SYT16: variants seen among roughly 807,000 people sequenced by gnomAD.
SYT16 encodes synaptotagmin-16.
Under a neutral mutation model 61.4 loss-of-function variants are expected in SYT16, and 42 were observed. The ratio of observed to expected loss-of-function variants is 0.68; its 90% CI spans 0.53 to 0.89. The LOEUF (loss-of-function observed/expected upper bound fraction) is 0.89. Among genes scored for constraint, SYT16 ranks in the 40% least tolerant of loss-of-function variants. SYT16 has a pLI of 0.00. For missense variants in SYT16, 804 were observed against 807.3 expected (o/e 1.00, Z 0.05); for synonymous variants, 314 against 302.3 (o/e 1.04, Z -0.40).
At chr14:62,078,125 C>G (rs1566826610) in intron 5 of SYT16, among the ~76,000 whole-genome samples, 1 of 149,188 alleles carries the variant, frequency 6.7e-6, no homozygotes, top group Non-Finnish European at 1.5e-5. Context: ...CTCTCTCTCT[C>G]TAGTGCTCTC....
At chr14:62,051,219 A>G (rs2055275765) in intron 3 of SYT16, among the ~76,000 whole-genome samples, 1 of 152,120 alleles carries the variant, frequency 6.6e-6, no homozygotes. Flanking sequence ...TTGATCTCAG[A>G]CTGCTGTGCT....
chr14:61,848,769 C>T (rs574620347), intron 1 of SYT16, among the ~76,000 whole-genome samples: 3 of 152,274 alleles, frequency 2.0e-5, no homozygotes, highest in South Asian at 2.1e-4. Flanking sequence ...AGAGCTGGCA[C>T]CTAAACCACA....
chr14:61,996,411 G>C lies in SYT16; in HGVS notation c.392G>C (p.Arg131Pro). Residue 131 changes from arginine (R) to proline (P), a missense_variant, in exon 3 of 8, where the codon CGC becomes CCC. Coordinates refer to ENST00000683842, the MANE Select transcript of SYT16 (RefSeq NM_001367656.1). ...SQWPNWASDD[R>P]KLPHVLSSIA... ...TGGCCCAATTGGGCCAGTGATGACC[G>C]CAAGTTACCACATGTGCTTTCTTCT... 1.2e-6 allele frequency: 2 copies of C among 1,613,290 alleles called. No individual in the cohort carries two copies. Among genetic ancestry groups the C allele is most frequent in the Non-Finnish European group, 1.7e-6 (2 of 1,179,522 alleles).
intron 3 of SYT16, among the ~76,000 whole-genome samples, chr14:62,006,250 C>T (rs2053221420): frequency 6.6e-6 from 1 of 152,018 alleles, no homozygotes; most frequent in African/African-American, 2.4e-5. Flanking sequence ...TCCTCATGCA[C>T]TCATTTGTTC....
In SYT16 at chr14:61,863,403, C is replaced by T. The variant is rs142068475; in HGVS notation, c.-325+50593C>T. Among the ~76,000 whole-genome samples, 710 of 152,252 alleles carry T rather than the reference C, an allele frequency of 4.7e-3. 4 individuals are homozygous for T. The highest frequency in any genetic ancestry group is 6.9e-3 in the Non-Finnish European group (469 of 68,030). ...TTTTTACATGTTTATTTGCCATCTGCGCATCTTCTTTGGTGAGGTGTTTGT... is the reference window on the plus strand; with the variant it reads ...TTTTTACATGTTTATTTGCCATCTGTGCATCTTCTTTGGTGAGGTGTTTGT... On this transcript the variant is annotated intron_variant, in intron 1 of 7. Coordinates refer to ENST00000683842, the MANE Select transcript of SYT16 (RefSeq NM_001367656.1).
chr14:62,035,433 A>G (rs1448952560), intron 3 of SYT16, among the ~76,000 whole-genome samples: 4 of 152,348 alleles, frequency 2.6e-5, no homozygotes, highest in Admixed American at 1.3e-4. Context: ...TCCACTTAAG[A>G]GAAAAAGAAC....
At chr14:61,835,640 T>A (rs1235064297) in intron 1 of SYT16, among the ~76,000 whole-genome samples, 2 of 152,070 alleles carry the variant, frequency 1.3e-5, no homozygotes. Flanking sequence ...CAAAAAATAC[T>A]GCCAGAATAT....
In SYT16 at chr14:62,092,225, C is replaced by CAT. The variant is rs1555385325; in HGVS notation, c.1624+7841_1624+7842insTA. On this transcript the variant is annotated intron_variant, in intron 7 of 7. Coordinates refer to ENST00000683842, the MANE Select transcript of SYT16 (RefSeq NM_001367656.1). ...ACACACACACACACACACACACACACACTAACAAGTGTTAATGAGAATGTG... is the reference window on the plus strand; with the variant it reads ...ACACACACACACACACACACACACACATACTAACAAGTGTTAATGAGAATGTG... Among the ~76,000 whole-genome samples, 1,051 of 140,818 alleles carry CAT rather than the reference C, an allele frequency of 7.5e-3. 11 individuals carry two copies. The highest frequency in any genetic ancestry group is 0.015 in the Middle Eastern group (4 of 268). 92.4% of individuals were successfully genotyped at this position (140,818 alleles called of 152,430 possible).
At chr14:62,032,799 T>C (rs1187090677) in intron 3 of SYT16, among the ~76,000 whole-genome samples, 1 of 152,044 alleles carries the variant, frequency 6.6e-6, no homozygotes, top group East Asian at 1.9e-4. Context: ...GTTTCAGGAC[T>C]AAAATATTTT....
At chr14:62,083,759 C>T (rs1453770249) in intron 6 of SYT16, among the ~76,000 whole-genome samples, 4 of 152,152 alleles carry the variant, frequency 2.6e-5, no homozygotes, top group Non-Finnish European at 5.9e-5. Flanking sequence ...ACAACGCCTC[C>T]TGTATTGCCA....
At chr14:62,036,061 G>C (rs558819274) in intron 3 of SYT16, among the ~76,000 whole-genome samples, 1 of 152,238 alleles carries the variant, frequency 6.6e-6, no homozygotes, top group East Asian at 1.9e-4. Flanking sequence ...ACAAGTAAAG[G>C]GAGAGCTTCA....
At chr14:62,025,067 G>A (rs1391055701) in intron 3 of SYT16, among the ~76,000 whole-genome samples, 1 of 151,984 alleles carries the variant, frequency 6.6e-6, no homozygotes, top group Non-Finnish European at 1.5e-5. Flanking sequence ...CTAAATTTTG[G>A]CAATTATAAA....
intron 1 of SYT16, among the ~76,000 whole-genome samples, chr14:61,840,078 G>A (rs2046259008): frequency 6.6e-6 from 1 of 152,158 alleles, no homozygotes; most frequent in African/African-American, 2.4e-5. Context: ...TCCAGGGCTT[G>A]TATGTCATAG....
At chr14:61,917,764 A>C (rs908650668) in intron 1 of SYT16, among the ~76,000 whole-genome samples, 1 of 152,194 alleles carries the variant, frequency 6.6e-6, no homozygotes, top group African/African-American at 2.4e-5. Context: ...ACTATAGGTT[A>C]AGTATCCCTT....
chr14:61,830,988 C>T (rs1401789235), intron 1 of SYT16, among the ~76,000 whole-genome samples: 1 of 152,212 alleles, frequency 6.6e-6, no homozygotes. Context: ...AGTATATTCA[C>T]AAGGGTTCTG....
intron 1 of SYT16, among the ~76,000 whole-genome samples, chr14:61,862,556 C>T (rs147405722): frequency 6.8e-4 from 104 of 152,314 alleles, no homozygotes; most frequent in African/African-American, 2.3e-3. Context: ...TACACATGCA[C>T]AGCCTTCTTC....
chr14:62,040,160 T>G (rs1319034646), intron 3 of SYT16, among the ~76,000 whole-genome samples: 2 of 152,154 alleles, frequency 1.3e-5, no homozygotes, highest in Non-Finnish European at 2.9e-5. Context: ...TCATAATATT[T>G]CCAGCAAAGT....
chr14:62,025,213 G>T (rs868214018), intron 3 of SYT16, among the ~76,000 whole-genome samples: 1 of 152,046 alleles, frequency 6.6e-6, no homozygotes, highest in South Asian at 2.1e-4. Context: ...TTCCAAAGTG[G>T]TTATACCATT....
At chr14:62,069,544 A>C (rs182715290) in intron 3 of SYT16, 59 bp from the exon 4 acceptor site, 1 of 1,491,150 alleles carries the variant, frequency 6.7e-7, no homozygotes, top group African/African-American at 1.4e-5. Flanking sequence ...TGGAGAGTCT[A>C]TCTCTGTATT....
Sources: gnomAD v4.1 joint callset for allele counts (sites outside exome capture counted in the v4.1 genomes callset) on GRCh38, gnomAD v4.1.1 for gene constraint, MANE v1.5 for transcripts, NCBI Gene and HGNC (gene_info 2026-07-23, HGNC 2026-07-21) for gene names.